The following CDKN2B-AS1 variants were observed in gnomAD, a reference collection of about 807,000 sequenced individuals.
CDKN2B-AS1 encodes CDKN2B antisense RNA 1 (non-protein coding).
intron 1 of CDKN2B-AS1, among the ~76,000 whole-genome samples, chr9:22,031,274 G>A (rs1201365661): frequency 6.6e-6 from 1 of 152,094 alleles, no homozygotes; most frequent in Admixed American, 6.6e-5. Context: ...TACCTTAAAA[G>A]AGTTACACCT....
rs1386081440 is a variant in CDKN2B-AS1, at chr9:22,107,940, T to G, written n.439-19163T>G. Among the ~76,000 whole-genome samples the G allele has an allele frequency of 3.3e-5, 5 of 152,238 alleles. No homozygotes were observed. In the South Asian group the frequency reaches 1.0e-3, roughly 32 times the overall value. The stretch of plus-strand genomic sequence containing the variant: ...ACTTCAATGAATTGTTGGGTCAAGG[T>G]CTAAGAAACAAACCAGCCGTCAATG... On this transcript the variant is annotated intron_variant and non_coding_transcript_variant, in intron 4 of 4. Coordinates refer to ENST00000650946, the Ensembl canonical transcript of CDKN2B-AS1.
intron 1 of CDKN2B-AS1, among the ~76,000 whole-genome samples, chr9:22,038,185 A>G (rs1289651137): frequency 1.3e-5 from 2 of 152,028 alleles, no homozygotes; most frequent in South Asian, 2.1e-4. Context: ...TACAACAGAC[A>G]TAAAATTATG....
rs1822810980 is a variant in CDKN2B-AS1, at chr9:22,039,292, G to T, written n.30-7459G>T. Among the ~76,000 whole-genome samples, 2 of 151,938 alleles carry T rather than the reference G, an allele frequency of 1.3e-5. No individual in the cohort carries two copies. Among genetic ancestry groups the T allele is most frequent in the African/African-American group, 4.8e-5 (2 of 41,380 alleles). ...GTTTAATTTCCTGTGAGCTTCCCATGTTCTCTCCCTGCAAGGACCACCTCA... is the reference window on the plus strand; with the variant it reads ...GTTTAATTTCCTGTGAGCTTCCCATTTTCTCTCCCTGCAAGGACCACCTCA... On this transcript the variant is annotated intron_variant and non_coding_transcript_variant, in intron 1 of 4. Coordinates refer to ENST00000650946, the Ensembl canonical transcript of CDKN2B-AS1. This position sits in a 1 kb window ranked among gnomAD's most constrained non-coding sequence, Gnocchi z 4.4.
chr9:22,063,230 C>G (rs1408567889), intron 4 of CDKN2B-AS1, among the ~76,000 whole-genome samples: 1 of 152,050 alleles, frequency 6.6e-6, no homozygotes, highest in Non-Finnish European at 1.5e-5. Context: ...TAGGGTAGCT[C>G]TGAGAACTTT....
intron 4 of CDKN2B-AS1, among the ~76,000 whole-genome samples, chr9:22,121,645 C>T (rs1411232430): frequency 6.6e-6 from 1 of 152,044 alleles, no homozygotes; most frequent in African/African-American, 2.4e-5. Context: ...TGAGTGAGAA[C>T]ATGCGGTGTT....
Position 22,005,892 on chromosome 9 carries a change from C to T in CDKN2B-AS1, n.29+10731C>T. ...GCTTGCAGGCTTACAGGCTTTCCGC[C>T]GCTCCCCGTTGGCAGCCTTCATCGA... On this transcript the variant is annotated intron_variant and non_coding_transcript_variant, in intron 1 of 4. Transcript: ENST00000650946. The surrounding 1 kb of genome is among the most constrained non-coding windows in gnomAD (Gnocchi z 4.9). 5 of 1,507,530 alleles carry T rather than the reference C, an allele frequency of 3.3e-6. No homozygotes were observed. The highest frequency in any genetic ancestry group is 2.2e-4 in the Middle Eastern group (1 of 4,458). The allele number at this position is 1,507,530 out of a possible 1,614,324, so 93.4% of individuals were successfully genotyped here.
At chr9:22,087,266 G>T (rs1362069258) in intron 4 of CDKN2B-AS1, among the ~76,000 whole-genome samples, 24 of 152,170 alleles carry the variant, frequency 1.6e-4, no homozygotes, top group Non-Finnish European at 4.4e-5. Flanking sequence ...CTTGACTCTG[G>T]TCACTGTTGG....
At chr9:22,058,895 T>C in intron 4 of CDKN2B-AS1, 1 of 203,610 alleles carries the variant, frequency 4.9e-6, no homozygotes, top group Non-Finnish European at 9.6e-6. Flanking sequence ...AAGAGAAAAA[T>C]GAGGAAGAAG....
chr9:22,003,862 A>C, intron 1 of CDKN2B-AS1: 1 of 232,346 alleles, frequency 4.3e-6, no homozygotes, highest in Non-Finnish European at 8.5e-6. Flanking sequence ...TACAAGGGAG[A>C]TCATTGTGTA....
At chr9:22,031,068 A>G (rs1822448361) in intron 1 of CDKN2B-AS1, 1 of 152,176 alleles carries the variant, frequency 6.6e-6, no homozygotes, top group Admixed American at 6.5e-5. Context: ...TTTATTTTTT[A>G]TGCAATCATT....
At chr9:22,008,957 G>T (rs761414872) in intron 1 of CDKN2B-AS1, 1 of 1,612,926 alleles carries the variant, frequency 6.2e-7, no homozygotes, top group East Asian at 2.2e-5. Context: ...CGCGCATTCC[G>T]CAGCCCCCAG....
intron 4 of CDKN2B-AS1, among the ~76,000 whole-genome samples, chr9:22,060,863 G>A (rs1185602925): frequency 1.3e-5 from 2 of 152,186 alleles, no homozygotes; most frequent in South Asian, 2.1e-4. Flanking sequence ...ATCAGATCTC[G>A]TGAGACTTAC....
chr9:22,068,470 A>G (rs188318741), intron 4 of CDKN2B-AS1, among the ~76,000 whole-genome samples: 44 of 152,294 alleles, frequency 2.9e-4, no homozygotes, highest in Non-Finnish European at 2.9e-5. Flanking sequence ...GGCGGAGAAG[A>G]ATGTCCCGGC....
intron 1 of CDKN2B-AS1, among the ~76,000 whole-genome samples, chr9:22,010,751 A>C (rs575344647): frequency 6.6e-6 from 1 of 152,274 alleles, no homozygotes; most frequent in African/African-American, 2.4e-5. Flanking sequence ...CCTAGTCTTC[A>C]GTTTCTTAAT....
intron 4 of CDKN2B-AS1, among the ~76,000 whole-genome samples, chr9:22,064,619 ATCTGAGGG>A (rs1413822276): frequency 2.0e-5 from 3 of 152,158 alleles, no homozygotes; most frequent in African/African-American, 7.2e-5. Context: ...AGACAGAGAT[ATCTGAGGG>A]TCTGAGGGTC....
At position 22,106,500 on chromosome 9, in the gene CDKN2B-AS1, C is replaced by T. The variant is rs72652501; in HGVS notation, n.439-20603C>T. Among the ~76,000 whole-genome samples, 165 of 152,280 alleles carry T rather than the reference C, an allele frequency of 1.1e-3. 1 individual carries two copies. The highest frequency in any genetic ancestry group is 5.8e-3 in the East Asian group (30 of 5,178). Reference sequence around the variant, plus strand: ...CCAAAGTGCTCGGATTATAGGCATGCGCTACCGTGCCCAGCCCAAGTTGTC... The same window carrying T: ...CCAAAGTGCTCGGATTATAGGCATGTGCTACCGTGCCCAGCCCAAGTTGTC... On this transcript the variant is annotated intron_variant and non_coding_transcript_variant, in intron 4 of 4. Coordinates refer to ENST00000650946, the Ensembl canonical transcript of CDKN2B-AS1.
chr9:22,016,219 A>G (rs1420053119), intron 1 of CDKN2B-AS1, among the ~76,000 whole-genome samples: 1 of 152,156 alleles, frequency 6.6e-6, no homozygotes, highest in Non-Finnish European at 1.5e-5. Flanking sequence ...TAGGGTTTTT[A>G]TGGTTTTAGG....
At chr9:22,103,922 A>G (rs2131359436) in intron 4 of CDKN2B-AS1, among the ~76,000 whole-genome samples, 1 of 152,328 alleles carries the variant, frequency 6.6e-6, no homozygotes, top group East Asian at 1.9e-4. Context: ...CAGCCAGCAT[A>G]TCTGTAGCTT....
intron 1 of CDKN2B-AS1, among the ~76,000 whole-genome samples, chr9:22,033,309 T>C (rs1024326177): frequency 2.6e-5 from 4 of 152,162 alleles, no homozygotes; most frequent in African/African-American, 9.7e-5. Flanking sequence ...CACAAGTAGC[T>C]AAAGCTAGCC....
Sources: allele counts gnomAD v4.1 joint callset (sites outside exome capture counted in the v4.1 genomes callset), GRCh38; gene constraint gnomAD v4.1.1; non-coding constraint Gnocchi (gnomAD v3.1); transcripts MANE v1.5; gene names NCBI Gene and HGNC (gene_info 2026-07-23, HGNC 2026-07-21).